Variants in TTC29 observed in about 807,000 individuals in gnomAD.
TTC29 encodes tetratricopeptide repeat protein 29.
TTC29 carries 49 observed loss-of-function variants against 58.1 expected under a neutral mutation model. The observed-to-expected ratio is 0.84, with a 90% CI of 0.67 to 1.07. The LOEUF is 1.07. Ranked by LOEUF, TTC29 falls within the 50% of genes least tolerant of loss-of-function variation. The pLI is 0.00. For missense variants in TTC29, 582 were observed against 555.6 expected (o/e 1.05, Z -0.48); for synonymous variants, 209 against 196.8 (o/e 1.06, Z -0.52).
chr4:146,901,038 G>C (rs1258646145), intron 6 of TTC29, among the ~76,000 whole-genome samples: 1 of 137,226 alleles, frequency 7.3e-6, no homozygotes, highest in African/African-American at 2.5e-5. Context: ...GACTTCTTTT[G>C]GTGGGGGGGT....
intron 11 of TTC29, among the ~76,000 whole-genome samples, chr4:146,738,770 G>T (rs2150031128): frequency 6.6e-6 from 1 of 152,224 alleles, no homozygotes; most frequent in Non-Finnish European, 1.5e-5. Flanking sequence ...CCTCCCCAGA[G>T]AGTGTCCTAC....
intron 4 of TTC29, among the ~76,000 whole-genome samples, chr4:146,932,758 T>C (rs1023910651): frequency 1.3e-5 from 2 of 152,062 alleles, no homozygotes; most frequent in African/African-American, 2.4e-5. Context: ...AAAAAGGCTT[T>C]AAAAGATATG....
At position 146,707,173 on chromosome 4, in the gene TTC29, T is replaced by C. The variant is rs761309855; in HGVS notation, c.1413A>G (p.Gln471=). The change falls in exon 13 of 13, where the codon CAA becomes CAG. Residue 471 remains glutamine (Q), a synonymous_variant. Transcript: ENST00000325106. ...LEELSRFPGD[Q]KNET ...AAAAGCTGCTTTAAGTTTCATTTTT[T>C]TGATCACCTGGAAACCTGAAATAAA... 6 of 1,529,302 alleles carry C rather than the reference T, an allele frequency of 3.9e-6. No individual in the cohort carries two copies. In the South Asian group the frequency reaches 7.7e-5, roughly 20 times the overall value. The allele number at this position is 1,529,302 out of a possible 1,614,324, so 94.7% of individuals were successfully genotyped here.
At chr4:146,757,903 G>A (rs376480728) in intron 11 of TTC29, among the ~76,000 whole-genome samples, 1 of 148,870 alleles carries the variant, frequency 6.7e-6, no homozygotes, top group Non-Finnish European at 1.5e-5. Context: ...AAAAATACAG[G>A]TTAAAAAGCG....
At chr4:146,805,041 A>G (rs7679174) in intron 10 of TTC29, among the ~76,000 whole-genome samples, 47,618 of 151,912 alleles carry the variant, frequency 0.31, 8,194 homozygotes, top group African/African-American at 0.45. Context: ...AGGAAGGAAC[A>G]GGCAGCAATC....
chr4:146,942,135 A>G (rs896888453), intron 2 of TTC29, among the ~76,000 whole-genome samples: 3 of 152,224 alleles, frequency 2.0e-5, no homozygotes, highest in African/African-American at 7.2e-5. Context: ...AATGGAGATC[A>G]GTGGTTTATT....
At chr4:146,930,118 T>TATATATATATATACAC (rs1334021950) in intron 4 of TTC29, among the ~76,000 whole-genome samples, 1 of 128,928 alleles carries the variant, frequency 7.8e-6, no homozygotes, top group Non-Finnish European at 1.6e-5. Context: ...TATATATATA[T>TATATATATATATACAC]ACACACATAT....
At chr4:146,875,391 A>C (rs890282781) in intron 6 of TTC29, among the ~76,000 whole-genome samples, 7 of 152,232 alleles carry the variant, frequency 4.6e-5, no homozygotes, top group African/African-American at 1.4e-4. Context: ...AATTTTGCTC[A>C]AGATGGCAAG....
chr4:146,901,506 A>C (rs1318036372), intron 6 of TTC29, among the ~76,000 whole-genome samples: 3 of 152,218 alleles, frequency 2.0e-5, no homozygotes. Context: ...TACAAGCCCC[A>C]GTGTGATCTA....
chr4:146,719,975 T>C (rs1186357687), intron 11 of TTC29, among the ~76,000 whole-genome samples: 1 of 152,180 alleles, frequency 6.6e-6, no homozygotes, highest in East Asian at 1.9e-4. Flanking sequence ...TTCCCAGGGC[T>C]AATGTTTTCA....
chr4:146,747,690 T>A (rs1319206463), intron 11 of TTC29, among the ~76,000 whole-genome samples: 1 of 152,128 alleles, frequency 6.6e-6, no homozygotes, highest in Non-Finnish European at 1.5e-5. Flanking sequence ...ACCAGAGCAG[T>A]TGCATCTCCC....
At chr4:146,798,784 G>A (rs1163246312) in intron 11 of TTC29, among the ~76,000 whole-genome samples, 1 of 151,052 alleles carries the variant, frequency 6.6e-6, no homozygotes, top group African/African-American at 2.4e-5. Flanking sequence ...CTACTCGGGA[G>A]GCTGAGGCAG....
At chr4:146,864,492 C>T (rs1730443326) in intron 8 of TTC29, among the ~76,000 whole-genome samples, 2 of 152,258 alleles carry the variant, frequency 1.3e-5, no homozygotes, top group Admixed American at 1.3e-4. Context: ...CTTATTATCA[C>T]CCTATGTATT....
chr4:146,884,109 T>C (rs2150237161), intron 6 of TTC29, among the ~76,000 whole-genome samples: 1 of 152,236 alleles, frequency 6.6e-6, no homozygotes, highest in African/African-American at 2.4e-5. Flanking sequence ...TAAGGTCTTA[T>C]GAACATGTAC....
At chr4:146,857,277 A>AGTGTGTGTGTGTGTGTGTGT (rs70958531) in intron 8 of TTC29, among the ~76,000 whole-genome samples, 45 of 149,420 alleles carry the variant, frequency 3.0e-4, no homozygotes, top group Middle Eastern at 3.4e-3. Flanking sequence ...CTAGTGGAAG[A>AGTGTGTGTGTGTGTGTGTGT]GTGTGTGTGT....
intron 11 of TTC29, among the ~76,000 whole-genome samples, chr4:146,799,066 G>C (rs1750030518): frequency 6.6e-6 from 1 of 152,008 alleles, no homozygotes; most frequent in South Asian, 2.1e-4. Flanking sequence ...AAGCTAATTA[G>C]TGCTCAATAT....
intron 7 of TTC29, among the ~76,000 whole-genome samples, chr4:146,871,898 C>G (rs1046971059): frequency 6.6e-6 from 1 of 151,966 alleles, no homozygotes; most frequent in Non-Finnish European, 1.5e-5. Flanking sequence ...AATTAACAAG[C>G]TGATCCTAAA....
At chr4:146,732,790 T>C (rs1040844020) in intron 11 of TTC29, among the ~76,000 whole-genome samples, 8 of 152,118 alleles carry the variant, frequency 5.3e-5, no homozygotes, top group African/African-American at 1.9e-4. Context: ...GTGAGGCAGA[T>C]AACTGCAAGC....
intron 6 of TTC29, among the ~76,000 whole-genome samples, chr4:146,903,094 A>T (rs1275351879): frequency 6.6e-6 from 1 of 152,142 alleles, no homozygotes; most frequent in Non-Finnish European, 1.5e-5. Context: ...TAACATTATT[A>T]AGTATGAAGT....
Sources: allele counts gnomAD v4.1 joint callset (sites outside exome capture counted in the v4.1 genomes callset), GRCh38; gene constraint gnomAD v4.1.1; transcripts MANE v1.5; gene names NCBI Gene and HGNC (gene_info 2026-07-23, HGNC 2026-07-21).